RGS7: variants seen among roughly 807,000 people sequenced by gnomAD.
The protein encoded by RGS7 is regulator of G-protein signaling 7.
Under a neutral mutation model 81.1 loss-of-function variants are expected in RGS7, and 27 were observed. That is an observed-to-expected ratio of 0.33 (90% CI 0.25 to 0.46). The LOEUF (loss-of-function observed/expected upper bound fraction) is 0.46. RGS7 is among the 20% of genes least tolerant of loss of function. The pLI is 1.00. For synonymous variants in RGS7, 208 were observed against 207.7 expected, an observed-to-expected ratio of 1.00 and a Z score of -0.01; for missense variants, 396 against 607.4, an observed-to-expected ratio of 0.65 and a Z score of 3.66.
At chr1:241,128,276 C>CA (rs58934562) in intron 2 of RGS7, among the ~76,000 whole-genome samples, 1,340 of 115,088 alleles carry the variant, frequency 0.012, 20 homozygotes, top group African/African-American at 0.029. Context: ...GACTCCGTCT[C>CA]AAAAAAAAAA....
chr1:241,259,866 T>C (rs536064007), intron 2 of RGS7, among the ~76,000 whole-genome samples: 1 of 151,748 alleles, frequency 6.6e-6, no homozygotes, highest in Non-Finnish European at 1.5e-5. Flanking sequence ...AGTTTAAAAT[T>C]ATAAAATATT....
intron 3 of RGS7, among the ~76,000 whole-genome samples, chr1:241,088,871 C>T (rs1462288460): frequency 4.0e-5 from 6 of 150,738 alleles, no homozygotes; most frequent in Admixed American, 6.6e-5. Flanking sequence ...ATTAGCCGGG[C>T]GTGGTGGCAG....
chr1:241,031,399 A>G (rs1199198416), intron 3 of RGS7, among the ~76,000 whole-genome samples: 1 of 152,188 alleles, frequency 6.6e-6, no homozygotes, highest in Non-Finnish European at 1.5e-5. Context: ...TAGGTTGATT[A>G]CATATCTTTG....
intron 3 of RGS7, among the ~76,000 whole-genome samples, chr1:241,004,840 C>T (rs546094477): frequency 2.1e-4 from 32 of 152,252 alleles, no homozygotes; most frequent in African/African-American, 6.5e-4. Flanking sequence ...ACTACTTTTA[C>T]GGCTGGCTTT....
intron 2 of RGS7, among the ~76,000 whole-genome samples, chr1:241,221,577 A>G (rs974384193): frequency 6.6e-6 from 1 of 152,236 alleles, no homozygotes; most frequent in Non-Finnish European, 1.5e-5. Context: ...ACGCCCAGAT[A>G]AGTAGTTAAA....
At chr1:241,212,673 A>G (rs1042187678) in intron 2 of RGS7, among the ~76,000 whole-genome samples, 2 of 152,288 alleles carry the variant, frequency 1.3e-5, no homozygotes, top group Non-Finnish European at 2.9e-5. Context: ...TCTCATTTCA[A>G]TTGAAGAAAT....
At chr1:240,805,736 G>A (rs1688727477) in intron 15 of RGS7, among the ~76,000 whole-genome samples, 1 of 151,914 alleles carries the variant, frequency 6.6e-6, no homozygotes, top group Non-Finnish European at 1.5e-5. Flanking sequence ...ATTCAGGAAT[G>A]TCAGAGTCTT....
At chr1:241,023,338 T>A (rs970315186) in intron 3 of RGS7, among the ~76,000 whole-genome samples, 1 of 152,186 alleles carries the variant, frequency 6.6e-6, no homozygotes, top group South Asian at 2.1e-4. Flanking sequence ...CCTTTAGGTG[T>A]AAATCTTTTT....
chr1:240,891,207 G>T (rs866200197), intron 6 of RGS7, among the ~76,000 whole-genome samples: 1 of 151,724 alleles, frequency 6.6e-6, no homozygotes, highest in Non-Finnish European at 1.5e-5. Context: ...TCACTGGGGG[G>T]GTGGTTATGA....
chr1:241,020,377 G>A (rs1379473550), intron 3 of RGS7, among the ~76,000 whole-genome samples: 1 of 152,086 alleles, frequency 6.6e-6, no homozygotes, highest in East Asian at 1.9e-4. Context: ...AAAGCTCTTG[G>A]GAATACCCTC....
rs1012448659 is a variant in RGS7, at chr1:240,943,022, G to T, written c.227-6316C>A. Among the ~76,000 whole-genome samples the T allele has an allele frequency of 7.2e-5, 11 of 152,052 alleles. No homozygotes were observed. In the South Asian group the frequency reaches 1.7e-3, roughly 23 times the overall value. ...CATCTTTTTAAAAAAAACATCATTT[G>T]CATGTAAGAAAAATCAAGTGCCGCT... On this transcript the variant is annotated intron_variant, in intron 4 of 18. Transcript: ENST00000440928.
At chr1:241,295,405 A>G (rs1347923774) in intron 2 of RGS7, among the ~76,000 whole-genome samples, 1 of 152,080 alleles carries the variant, frequency 6.6e-6, no homozygotes, top group African/African-American at 2.4e-5. Context: ...GTGAGCCGAG[A>G]TCGGGCCTCT....
intron 9 of RGS7, among the ~76,000 whole-genome samples, chr1:240,843,325 G>A (rs1046896942): frequency 1.3e-5 from 2 of 151,756 alleles, no homozygotes; most frequent in East Asian, 1.9e-4. Context: ...CAATGCAGTG[G>A]TGTGATCTCA....
intron 4 of RGS7, among the ~76,000 whole-genome samples, chr1:240,973,776 T>C (rs1250082344): frequency 6.6e-6 from 1 of 151,744 alleles, no homozygotes; most frequent in East Asian, 2.0e-4. Flanking sequence ...CTATTTTCAG[T>C]AGAGACGGGG....
intron 3 of RGS7, among the ~76,000 whole-genome samples, chr1:241,065,553 T>A (rs1334174884): frequency 6.6e-6 from 1 of 152,368 alleles, no homozygotes; most frequent in East Asian, 1.9e-4. Flanking sequence ...CTATTTTATA[T>A]CAATGGGAGT....
At chr1:240,817,017 C>T (rs1456353657) in intron 10 of RGS7, among the ~76,000 whole-genome samples, 1 of 152,182 alleles carries the variant, frequency 6.6e-6, no homozygotes, top group African/African-American at 2.4e-5. Context: ...CCAGAGGCGT[C>T]ATGCATCTTC....
rs548048981 is a variant in RGS7, at chr1:240,834,209, C to T, written c.610-7037G>A. Among the ~76,000 whole-genome samples, 145 of 152,312 alleles carry T rather than the reference C, an allele frequency of 9.5e-4. 1 individual carries two copies. Among genetic ancestry groups the T allele is most frequent in the Admixed American group, 1.6e-3 (24 of 15,296 alleles). On this transcript the variant is annotated intron_variant, in intron 9 of 18. Transcript: ENST00000440928. ...CGACCCATCTACTTACTAAGTCCTA[C>T]GCACAAACTGAAGAAAGTTGTTTGA...
chr1:241,004,213 A>G (rs777084211), intron 3 of RGS7, among the ~76,000 whole-genome samples: 5 of 152,136 alleles, frequency 3.3e-5, no homozygotes, highest in Non-Finnish European at 5.9e-5. Context: ...GAATTTACAA[A>G]ATGCTTAGAC....
intron 4 of RGS7, among the ~76,000 whole-genome samples, chr1:240,941,031 A>G (rs979702915): frequency 4.6e-5 from 7 of 152,194 alleles, no homozygotes; most frequent in African/African-American, 1.7e-4. Context: ...GATGATATGC[A>G]TTCTCATTTT....
Sources: allele counts gnomAD v4.1 joint callset (sites outside exome capture counted in the v4.1 genomes callset), GRCh38; gene constraint gnomAD v4.1.1; transcripts MANE v1.5; gene names NCBI Gene and HGNC (gene_info 2026-07-23, HGNC 2026-07-21).